The following KALRN variants were observed in gnomAD, a reference collection of about 807,000 sequenced individuals.
KALRN encodes kalirin.
Under a neutral mutation model 353.7 loss-of-function variants are expected in KALRN, and 70 were observed. That is an observed-to-expected ratio of 0.20 (90% CI 0.16 to 0.24). The LOEUF (loss-of-function observed/expected upper bound fraction) is 0.24, where lower values mean the gene tolerates loss of function less well. KALRN is among the 10% of genes least tolerant of loss of function. The pLI is 1.00. For synonymous variants in KALRN, 1,391 were observed against 1,434.8 expected, an observed-to-expected ratio of 0.97 and a Z score of 0.69; for missense variants, 2,791 against 3,756.7, an observed-to-expected ratio of 0.74 and a Z score of 6.72.
At chr3:124,271,820 T>A (rs1401133020) in intron 5 of KALRN, among the ~76,000 whole-genome samples, 2 of 152,240 alleles carry the variant, frequency 1.3e-5, no homozygotes, top group African/African-American at 2.4e-5. Context: ...TGCCATGGAC[T>A]CTTTTGGTCT....
At chr3:124,117,204 GCTC>G (rs2063532920) in intron 1 of KALRN, among the ~76,000 whole-genome samples, 2 of 152,148 alleles carry the variant, frequency 1.3e-5, no homozygotes, top group Non-Finnish European at 2.9e-5. Context: ...ATCTGCATCA[GCTC>G]AGAGGGAGAG....
intron 27 of KALRN, among the ~76,000 whole-genome samples, chr3:124,477,717 A>G (rs60250175): frequency 0.028 from 4,257 of 152,300 alleles, 201 homozygotes; most frequent in African/African-American, 0.095. Context: ...GTCCACATCT[A>G]TTAAATCAGA....
At chr3:124,135,512 C>T (rs748107699) in intron 1 of KALRN, among the ~76,000 whole-genome samples, 3 of 151,962 alleles carry the variant, frequency 2.0e-5, no homozygotes, top group Non-Finnish European at 4.4e-5. Context: ...ACCTGTACCC[C>T]GATAACTTAT....
chr3:124,110,068 CAT>C (rs1480958099), intron 1 of KALRN, among the ~76,000 whole-genome samples: 1 of 58,640 alleles, frequency 1.7e-5, no homozygotes, highest in African/African-American at 8.0e-5. Context: ...ATATATATGA[CAT>C]ATATGTCATA....
chr3:124,652,205 A>C (rs1403511183), intron 38 of KALRN, among the ~76,000 whole-genome samples: 1 of 152,214 alleles, frequency 6.6e-6, no homozygotes, highest in Non-Finnish European at 1.5e-5. Flanking sequence ...TCTATTTATG[A>C]GTTTCTGTTT....
Position 124,482,909 on chromosome 3 carries a change from C to G in KALRN, c.4284+9C>G, listed in dbSNP as rs779821060. 1.3e-6 allele frequency: 2 copies of G among 1,571,428 alleles called. No individual in the cohort carries two copies. The highest frequency in any genetic ancestry group is 1.8e-6 in the Non-Finnish European group (2 of 1,140,944). ...ATCAACTGCTCCTGAAGGTACCTCC[C>G]CTCCCCTCTACATCCCCCTCCACTG... On this transcript the variant is annotated intron_variant, in intron 28 of 59. Transcript: ENST00000682506.
chr3:124,299,459 G>A lies in KALRN; in HGVS notation c.1092+546G>A, dbSNP rs149539243. ...TCAGGGGATGGCAGTTTGAAGGGGCGGCAGGATGTGGCTTGGAGCAGGAGG... is the reference window on the plus strand; with the variant it reads ...TCAGGGGATGGCAGTTTGAAGGGGCAGCAGGATGTGGCTTGGAGCAGGAGG... On this transcript the variant is annotated intron_variant, in intron 6 of 59. Transcript: ENST00000682506. Among the ~76,000 whole-genome samples, 15 of 152,256 alleles carry A rather than the reference G, an allele frequency of 9.9e-5. No individual in the cohort carries two copies. The East Asian group carries it at 2.5e-3, about 25-fold the overall frequency.
At position 124,264,662 on chromosome 3, in the gene KALRN, A is replaced by G; in HGVS notation, c.428A>G (p.Asn143Ser). The change falls in exon 4 of 60, where the codon AAC (asparagine) becomes AGC (serine). Residue 143 changes from asparagine (N) to serine (S), a missense_variant. Transcript: ENST00000682506. The stretch of plus-strand genomic sequence containing the variant: ...AACTTCTGGCAGAAACAGAAGACCA[A>G]CTTTGGCAGCTCCAAATTCATCTTT... ...PDNFWQKQKT[N>S]FGSSKFIFET... The G allele has an allele frequency of 6.2e-7, 1 of 1,614,112 alleles. No homozygotes were observed. Among genetic ancestry groups the G allele is most frequent in the Non-Finnish European group, 8.5e-7 (1 of 1,180,004 alleles).
intron 44 of KALRN, 66 bp downstream of exon 44, chr3:124,661,039 GA>G: frequency 3.2e-6 from 4 of 1,261,010 alleles, no homozygotes; most frequent in Non-Finnish European, 2.3e-6. Context: ...CTCTAGAGGG[GA>G]AAAGATTGTC....
chr3:124,198,711 G>C (rs1456072884), intron 1 of KALRN, among the ~76,000 whole-genome samples: 1 of 152,172 alleles, frequency 6.6e-6, no homozygotes, highest in Non-Finnish European at 1.5e-5. Context: ...GTGCATGTAT[G>C]TATACATGCA....
chr3:124,670,954 A>G (rs1436308524), intron 47 of KALRN, among the ~76,000 whole-genome samples: 4 of 151,928 alleles, frequency 2.6e-5, no homozygotes, highest in Non-Finnish European at 5.9e-5. Flanking sequence ...TCACAGTCTC[A>G]TCTCTCCCGA....
intron 8 of KALRN, among the ~76,000 whole-genome samples, chr3:124,331,867 T>A (rs1480334011): frequency 6.6e-6 from 1 of 152,142 alleles, no homozygotes. Flanking sequence ...TGTCCATGCT[T>A]CCTACAGATG....
At chr3:124,121,504 T>C (rs1460000258) in intron 1 of KALRN, among the ~76,000 whole-genome samples, 1 of 152,190 alleles carries the variant, frequency 6.6e-6, no homozygotes, top group Admixed American at 6.5e-5. Flanking sequence ...TCTACAGTAC[T>C]GTGTTATTTA....
chr3:124,592,255 T>C (rs1486442768), intron 34 of KALRN, among the ~76,000 whole-genome samples: 1 of 138,628 alleles, frequency 7.2e-6, no homozygotes, highest in South Asian at 2.2e-4. Context: ...TGAGCCGAGA[T>C]AGAGCCACTG....
intron 51 of KALRN, among the ~76,000 whole-genome samples, chr3:124,691,323 G>GA (rs1261450349): frequency 1.3e-5 from 2 of 152,224 alleles, no homozygotes; most frequent in Non-Finnish European, 2.9e-5. Flanking sequence ...AGCTACTCGG[G>GA]AGGCTGAGGC....
chr3:124,368,026 CT>C (rs2149757116), intron 10 of KALRN, among the ~76,000 whole-genome samples: 2 of 41,862 alleles, frequency 4.8e-5, no homozygotes, highest in African/African-American at 2.3e-4. Context: ...GACGGGGCGG[CT>C]GGCCGGGCGG....
chr3:124,409,305 C>A (rs2091920329), intron 13 of KALRN, among the ~76,000 whole-genome samples: 1 of 152,178 alleles, frequency 6.6e-6, no homozygotes, highest in Non-Finnish European at 1.5e-5. Context: ...TAGTTTCTAG[C>A]CTGAACAAAT....
intron 1 of KALRN, among the ~76,000 whole-genome samples, chr3:124,212,480 A>G (rs73857804): frequency 0.012 from 1,760 of 152,270 alleles, 32 homozygotes; most frequent in African/African-American, 0.039. Flanking sequence ...TTTGTATTTA[A>G]TTTATACCTA....
chr3:124,257,733 A>G (rs911756748), intron 3 of KALRN, among the ~76,000 whole-genome samples: 5 of 152,192 alleles, frequency 3.3e-5, no homozygotes, highest in Non-Finnish European at 5.9e-5. Flanking sequence ...GAGACAGGGC[A>G]GTGGCTGCCT....
Sources: allele counts gnomAD v4.1 joint callset (sites outside exome capture counted in the v4.1 genomes callset), GRCh38; gene constraint gnomAD v4.1.1; transcripts MANE v1.5; gene names NCBI Gene and HGNC (gene_info 2026-07-23, HGNC 2026-07-21).